The following EDN3 variants were observed in gnomAD, a reference collection of about 807,000 sequenced individuals.
EDN3 encodes endothelin 3, also known as endothelin-3.
Under a neutral mutation model 21.4 loss-of-function variants are expected in EDN3, and 9 were observed. The ratio of observed to expected loss-of-function variants is 0.42; its 90% CI spans 0.25 to 0.73. The LOEUF (loss-of-function observed/expected upper bound fraction) is 0.73, where lower values mean the gene tolerates loss of function less well. Ranked by LOEUF, EDN3 falls within the 30% of genes least tolerant of loss-of-function variation. The pLI is 0.26. For missense variants in EDN3, 327 were observed against 309.4 expected, an observed-to-expected ratio of 1.06 and a Z score of -0.43; for synonymous variants, 133 against 126.2, an observed-to-expected ratio of 1.05 and a Z score of -0.36.
In EDN3 at chr20:59,322,239, T is replaced by A. The variant is rs1167217417; in HGVS notation, c.543-133T>A. 7.4e-6 allele frequency: 7 copies of A among 950,634 alleles called. No homozygotes were observed. Among genetic ancestry groups the A allele is most frequent in the Non-Finnish European group, 1.2e-5 (7 of 593,118 alleles). The allele number at this position is 950,634 out of a possible 1,614,324, so 58.9% of individuals were successfully genotyped here. ...CCGAGTGCTCAGCCTTCAGAAACTGTGCCTGAGACGCAGTCCTTGGGGAAC... is the reference window on the plus strand; with the variant it reads ...CCGAGTGCTCAGCCTTCAGAAACTGAGCCTGAGACGCAGTCCTTGGGGAAC... On this transcript the variant is annotated intron_variant, in intron 3 of 4. Transcript: ENST00000337938. This position sits in a 1 kb window ranked among gnomAD's most constrained non-coding sequence, Gnocchi z 4.1.
intron 1 of EDN3, among the ~76,000 whole-genome samples, 178 bp from the exon 2 acceptor site, chr20:59,301,232 C>A (rs1321880833): frequency 6.6e-6 from 1 of 152,230 alleles, no homozygotes; most frequent in Non-Finnish European, 1.5e-5. Flanking sequence ...GTGCAGATAG[C>A]TTGCAAGCTT....
intron 2 of EDN3, among the ~76,000 whole-genome samples, chr20:59,307,890 T>C (rs532508252): frequency 1.3e-5 from 2 of 152,076 alleles, no homozygotes; most frequent in Non-Finnish European, 2.9e-5. Flanking sequence ...CTTGTTACAT[T>C]GTTAGGGCTG....
Position 59,324,195 on chromosome 20 carries a change from C to T in EDN3, c.589-136C>T, listed in dbSNP as rs1012235402. On this transcript the variant is annotated intron_variant, in intron 4 of 4. Transcript: ENST00000337938. ...GCTGAGAAGCACTGGGAAGAGGGTA[C>T]ATACAGTTCCAATCAGGGAACAGGC... is the stretch of plus-strand genomic sequence containing the variant. The T allele has an allele frequency of 1.6e-5, 18 of 1,092,336 alleles. No individual in the cohort carries two copies. The Admixed American group carries it at 2.3e-4, about 14-fold the overall frequency. 67.7% of individuals were successfully genotyped at this position (1,092,336 alleles called of 1,614,324 possible).
intron 3 of EDN3, among the ~76,000 whole-genome samples, chr20:59,321,627 G>A (rs118088320): frequency 0.02 from 3,079 of 152,306 alleles, 49 homozygotes; most frequent in Non-Finnish European, 0.034. Context: ...AACCCAGCAC[G>A]TAGGACCATC....
chr20:59,308,952 A>G (rs1196719701), intron 2 of EDN3, among the ~76,000 whole-genome samples: 7 of 152,214 alleles, frequency 4.6e-5, no homozygotes, highest in Admixed American at 3.3e-4. Flanking sequence ...GTTAGCCTCA[A>G]TTAGCAGAAA....
intron 2 of EDN3, among the ~76,000 whole-genome samples, chr20:59,314,263 T>G (rs1294861353): frequency 6.6e-6 from 1 of 152,146 alleles, no homozygotes; most frequent in Admixed American, 6.5e-5. Context: ...TGAAGAAAAT[T>G]TTTCCTTGTC....
chr20:59,317,490 G>A (rs551799091), intron 2 of EDN3, among the ~76,000 whole-genome samples: 4 of 152,228 alleles, frequency 2.6e-5, no homozygotes, highest in Admixed American at 1.3e-4. Context: ...CACTTTTGTC[G>A]ACCAGGAAGT....
At chr20:59,307,924 A>G (rs547790832) in intron 2 of EDN3, among the ~76,000 whole-genome samples, 1 of 148,472 alleles carries the variant, frequency 6.7e-6, no homozygotes, top group South Asian at 2.1e-4. Flanking sequence ...TTTGATAGTG[A>G]TGATTCATAT....
intron 4 of EDN3, chr20:59,323,556 A>T: frequency 2.5e-6 from 1 of 399,090 alleles, no homozygotes; most frequent in Non-Finnish European, 4.4e-6. Context: ...GCAAACATGT[A>T]CAATTTAAAG....
Position 59,322,276 on chromosome 20 carries a change from C to A in EDN3, c.543-96C>A. On this transcript the variant is annotated intron_variant, in intron 3 of 4. Transcript: ENST00000337938. The surrounding 1 kb of genome is among the most constrained non-coding windows in gnomAD (Gnocchi z 4.1). Reference sequence around the variant, plus strand: ...AGTCCTTGGGGAACGCACTAATGTGCTCATTGGTGGGGAAGAGGAAGTCAT... The same window carrying A: ...AGTCCTTGGGGAACGCACTAATGTGATCATTGGTGGGGAAGAGGAAGTCAT... 2 of 1,377,868 alleles carry A rather than the reference C, an allele frequency of 1.5e-6. No homozygotes were observed. Among genetic ancestry groups the A allele is most frequent in the Non-Finnish European group, 2.1e-6 (2 of 967,574 alleles). The allele number at this position is 1,377,868 out of a possible 1,614,324, so 85.4% of individuals were successfully genotyped here.
intron 2 of EDN3, among the ~76,000 whole-genome samples, chr20:59,307,808 C>A (rs1339820022): frequency 6.6e-6 from 1 of 151,906 alleles, no homozygotes; most frequent in Admixed American, 6.5e-5. Context: ...TCCCGAGTAG[C>A]TGGAACCACA....
intron 2 of EDN3, 85 bp from the exon 3 acceptor site, chr20:59,320,932 G>A (rs1215748547): frequency 1.4e-6 from 2 of 1,446,650 alleles, no homozygotes; most frequent in Middle Eastern, 2.0e-4. Flanking sequence ...TTTCAGCCAG[G>A]CGGTGGTTCT....
chr20:59,302,709 T>C (rs1428030563), intron 2 of EDN3, among the ~76,000 whole-genome samples: 1 of 152,052 alleles, frequency 6.6e-6, no homozygotes, highest in African/African-American at 2.4e-5. Context: ...TGTACCCTAT[T>C]AGGGATTCTT....
chr20:59,313,639 G>A (rs1336885141), intron 2 of EDN3, among the ~76,000 whole-genome samples: 1 of 152,200 alleles, frequency 6.6e-6, no homozygotes, highest in Non-Finnish European at 1.5e-5. Flanking sequence ...TCTGAGGGCT[G>A]CGGGAGATGG....
At chr20:59,323,286 C>A (rs1461848494) in intron 4 of EDN3, among the ~76,000 whole-genome samples, 1 of 152,126 alleles carries the variant, frequency 6.6e-6, no homozygotes. Flanking sequence ...TGAGTCAGAC[C>A]CAGATGGTCC....
At chr20:59,319,971 A>T (rs2146875544) in intron 2 of EDN3, among the ~76,000 whole-genome samples, 1 of 152,258 alleles carries the variant, frequency 6.6e-6, no homozygotes, top group East Asian at 1.9e-4. Flanking sequence ...TAAGTTAAGG[A>T]TCTGCTTTCA....
chr20:59,313,132 G>C (rs1488922838), intron 2 of EDN3, among the ~76,000 whole-genome samples: 1 of 152,238 alleles, frequency 6.6e-6, no homozygotes, highest in African/African-American at 2.4e-5. Context: ...GATCCATTGA[G>C]TCAGCCAAGA....
At chr20:59,302,995 G>A (rs1243848079) in intron 2 of EDN3, among the ~76,000 whole-genome samples, 1 of 152,182 alleles carries the variant, frequency 6.6e-6, no homozygotes, top group Non-Finnish European at 1.5e-5. Context: ...TCACATCCAT[G>A]ATAGATCTGG....
chr20:59,322,339 G>C lies in EDN3; in HGVS notation c.543-33G>C. On this transcript the variant is annotated intron_variant, in intron 3 of 4. Coordinates refer to ENST00000337938, the MANE Select transcript of EDN3 (RefSeq NM_207034.3). This position sits in a 1 kb window ranked among gnomAD's most constrained non-coding sequence, Gnocchi z 4.1. ...AAAAACCAGCCACAGGGAAAGGCAG[G>C]TTGATTGATTAAAACCAGCTCTCTC... The C allele has an allele frequency of 1.9e-6, 3 of 1,613,842 alleles. No individual in the cohort carries two copies. Among genetic ancestry groups the C allele is most frequent in the Non-Finnish European group, 2.5e-6 (3 of 1,179,740 alleles).
Sources: gnomAD v4.1 joint callset for allele counts (sites outside exome capture counted in the v4.1 genomes callset) on GRCh38, gnomAD v4.1.1 for gene constraint, Gnocchi (gnomAD v3.1) non-coding constraint, MANE v1.5 for transcripts, NCBI Gene and HGNC (gene_info 2026-07-23, HGNC 2026-07-21) for gene names.